Variants in DAB1 observed in about 807,000 individuals in gnomAD.
The protein encoded by DAB1 is disabled homolog 1.
In DAB1, 15 loss-of-function variants were observed where a neutral mutation model predicts 64.6. The observed-to-expected ratio is 0.23, with a 90% CI of 0.16 to 0.36. The LOEUF is 0.36. Among genes scored for constraint, DAB1 ranks in the 10% least tolerant of loss-of-function variants. DAB1 has a pLI of 1.00. For missense variants in DAB1, 596 were observed against 706.7 expected (o/e 0.84, Z 1.78); for synonymous variants, 235 against 251.9 (o/e 0.93, Z 0.64).
chr1:57,587,549 T>C (rs1353897202), intron 7 of DAB1, among the ~76,000 whole-genome samples: 1 of 152,162 alleles, frequency 6.6e-6, no homozygotes, highest in African/African-American at 2.4e-5. Flanking sequence ...ATGGCTTAAT[T>C]CTCTCACCCC....
chr1:58,261,121 ATGTT>A (rs1358309795), intron 4 of DAB1, among the ~76,000 whole-genome samples: 2 of 152,232 alleles, frequency 1.3e-5, no homozygotes, highest in Non-Finnish European at 2.9e-5. Flanking sequence ...AACAGAAACA[ATGTT>A]TGGCCATATC....
chr1:57,214,010 A>T (rs1666226797), intron 2 of DAB1, among the ~76,000 whole-genome samples: 1 of 152,204 alleles, frequency 6.6e-6, no homozygotes, highest in Non-Finnish European at 1.5e-5. Flanking sequence ...ATGCAGTGGG[A>T]TCTATTAAGT....
At chr1:57,777,062 A>T (rs966597530) in intron 6 of DAB1, among the ~76,000 whole-genome samples, 1 of 151,174 alleles carries the variant, frequency 6.6e-6, no homozygotes, top group South Asian at 2.1e-4. Context: ...TTTTGGAAGA[A>T]AACTTTCACA....
At chr1:58,039,798 G>A (rs900424252) in intron 5 of DAB1, among the ~76,000 whole-genome samples, 2 of 152,008 alleles carry the variant, frequency 1.3e-5, no homozygotes, top group African/African-American at 4.8e-5. Context: ...TTTCTACAGG[G>A]ATAATAAAAG....
chr1:57,550,171 C>T (rs1041334093), intron 7 of DAB1, among the ~76,000 whole-genome samples: 3 of 152,160 alleles, frequency 2.0e-5, no homozygotes, highest in East Asian at 3.9e-4. Flanking sequence ...TAGTACCTTC[C>T]TTCCTCAAGG....
chr1:58,272,767 T>C (rs1162343769), intron 4 of DAB1, among the ~76,000 whole-genome samples: 2 of 152,152 alleles, frequency 1.3e-5, no homozygotes, highest in African/African-American at 4.8e-5. Context: ...TTGATCCCTT[T>C]ACCATTTGTC....
chr1:57,243,864 A>G (rs1668674885), intron 2 of DAB1, among the ~76,000 whole-genome samples: 1 of 152,188 alleles, frequency 6.6e-6, no homozygotes, highest in African/African-American at 2.4e-5. Flanking sequence ...AAAGGACATC[A>G]GCCTCAAGGG....
intron 4 of DAB1, among the ~76,000 whole-genome samples, chr1:58,277,873 T>C (rs1027735753): frequency 6.6e-5 from 10 of 152,140 alleles, no homozygotes; most frequent in African/African-American, 2.4e-4. Flanking sequence ...CCCCATCCAA[T>C]TCTTCCCACT....
At chr1:58,208,090 A>G (rs189619360) in intron 4 of DAB1, among the ~76,000 whole-genome samples, 91 of 152,246 alleles carry the variant, frequency 6.0e-4, no homozygotes, top group African/African-American at 2.0e-3. Context: ...AGAACTCACT[A>G]TCACATGAAC....
rs1011246631 is a variant in DAB1, at chr1:57,403,574, C to A, written c.-137+20356G>T. ...TCAAGCCTCTAACTTAACATGGTAGCAGGCATGGGAGGCACCCTCTACCAA... is the reference window on the plus strand; with the variant it reads ...TCAAGCCTCTAACTTAACATGGTAGAAGGCATGGGAGGCACCCTCTACCAA... On this transcript the variant is annotated intron_variant, in intron 1 of 14. Coordinates refer to ENST00000371236, the MANE Select transcript of DAB1 (RefSeq NM_001365792.1). Among the ~76,000 whole-genome samples, 3 of 152,290 alleles carry A rather than the reference C, an allele frequency of 2.0e-5. No individual in the cohort carries two copies. In the East Asian group the frequency reaches 5.8e-4, roughly 29 times the overall value.
chr1:58,136,364 A>T (rs956601576), intron 5 of DAB1, among the ~76,000 whole-genome samples: 1 of 152,100 alleles, frequency 6.6e-6, no homozygotes, highest in Non-Finnish European at 1.5e-5. Flanking sequence ...AAGTATTTTC[A>T]TATGTCCCCC....
chr1:58,504,918 G>A (rs150117859), intron 3 of DAB1, among the ~76,000 whole-genome samples: 46 of 151,346 alleles, frequency 3.0e-4, no homozygotes, highest in African/African-American at 9.7e-4. Context: ...GAGGTACTCC[G>A]TATTTGTTGG....
At chr1:57,167,890 G>A (rs779204904) in intron 2 of DAB1, among the ~76,000 whole-genome samples, 9 of 152,188 alleles carry the variant, frequency 5.9e-5, no homozygotes, top group African/African-American at 9.7e-5. Flanking sequence ...CCAGTGTCCA[G>A]CAAAATATCC....
At chr1:57,497,445 A>C (rs1200538198) in intron 7 of DAB1, among the ~76,000 whole-genome samples, 3 of 152,212 alleles carry the variant, frequency 2.0e-5, no homozygotes, top group African/African-American at 7.2e-5. Flanking sequence ...CACTGAGAAA[A>C]GAGTAGTGAG....
At chr1:57,749,393 T>C (rs1199315627) in intron 6 of DAB1, among the ~76,000 whole-genome samples, 1 of 152,192 alleles carries the variant, frequency 6.6e-6, no homozygotes, top group Non-Finnish European at 1.5e-5. Context: ...TGTAAGAATG[T>C]GAAAAGGAAT....
intron 5 of DAB1, among the ~76,000 whole-genome samples, chr1:58,028,511 C>T (rs1314056834): frequency 1.3e-5 from 2 of 152,136 alleles, no homozygotes; most frequent in Non-Finnish European, 2.9e-5. Context: ...CCATGTTAAA[C>T]AGTGAAATTA....
In DAB1 at chr1:57,626,294, G is replaced by A. The variant is rs201969318; in HGVS notation, n.625+23298C>T. 2.0e-5 allele frequency among the ~76,000 whole-genome samples: 3 copies of A among 152,326 alleles called. No individual in the cohort carries two copies. In the East Asian group the frequency reaches 5.8e-4, roughly 29 times the overall value. On this transcript the variant is annotated intron_variant and non_coding_transcript_variant, in intron 7 of 20. Transcript: ENST00000485760. The stretch of plus-strand genomic sequence containing the variant: ...TCTGGGCTGCAGGAACACCAGGGCA[G>A]TGCAGAAGCTCACCTCTAGCCTGCT...
intron 5 of DAB1, among the ~76,000 whole-genome samples, chr1:58,094,573 G>C (rs993119737): frequency 3.3e-5 from 5 of 152,230 alleles, no homozygotes; most frequent in Admixed American, 1.3e-4. Context: ...GTTTCTTCAA[G>C]TGAAGTTAAA....
intron 9 of DAB1, among the ~76,000 whole-genome samples, chr1:57,051,876 T>C (rs1649222307): frequency 6.6e-6 from 1 of 152,014 alleles, no homozygotes; most frequent in African/African-American, 2.4e-5. Context: ...CAGCAAGTAA[T>C]GGAAGAAGAA....
Sources: allele counts gnomAD v4.1 joint callset (sites outside exome capture counted in the v4.1 genomes callset), GRCh38; gene constraint gnomAD v4.1.1; transcripts MANE v1.5; gene names NCBI Gene and HGNC (gene_info 2026-07-23, HGNC 2026-07-21).